The following PTPRA variants were observed in gnomAD, a reference collection of about 807,000 sequenced individuals.
PTPRA encodes receptor-type tyrosine-protein phosphatase alpha.
A neutral mutation model predicts 104.8 loss-of-function variants in PTPRA; 25 were observed. The ratio of observed to expected loss-of-function variants is 0.24; its 90% CI spans 0.17 to 0.33. PTPRA has a LOEUF of 0.33. Among genes scored for constraint, PTPRA ranks in the 10% least tolerant of loss-of-function variants. The pLI is 1.00. For synonymous variants in PTPRA, 323 were observed against 368.9 expected (o/e 0.88, Z 1.43); for missense variants, 765 against 1,015.3 (o/e 0.75, Z 3.35).
intron 1 of PTPRA, among the ~76,000 whole-genome samples, chr20:2,916,668 G>A (rs1310424578): frequency 6.6e-6 from 1 of 152,180 alleles, no homozygotes; most frequent in Non-Finnish European, 1.5e-5. Context: ...TTGTGCCACT[G>A]CACTCCAGCC....
intron 1 of PTPRA, among the ~76,000 whole-genome samples, chr20:2,891,223 AGGT>A (rs1206590891): frequency 6.6e-6 from 1 of 152,216 alleles, no homozygotes; most frequent in Non-Finnish European, 1.5e-5. Flanking sequence ...TGACTGCTGC[AGGT>A]TCCCTTGTTG....
intron 3 of PTPRA, among the ~76,000 whole-genome samples, chr20:2,952,802 AG>A (rs1320450047): frequency 1.3e-5 from 2 of 152,136 alleles, no homozygotes; most frequent in African/African-American, 4.8e-5. Flanking sequence ...ACTTCATATA[AG>A]TGGAGTCATA....
At chr20:2,897,847 T>C (rs2059070348) in intron 1 of PTPRA, among the ~76,000 whole-genome samples, 1 of 151,944 alleles carries the variant, frequency 6.6e-6, no homozygotes, top group Admixed American at 6.6e-5. Context: ...GTCCCAAATT[T>C]GGCCAGTGGG....
chr20:2,920,337 A>G lies in PTPRA; in HGVS notation c.-128-2870A>G, dbSNP rs143162621. 1.3e-3 allele frequency among the ~76,000 whole-genome samples: 200 copies of G among 152,262 alleles called. 2 individuals are homozygous for G. The highest frequency in any genetic ancestry group is 4.5e-3 in the African/African-American group (186 of 41,558). ...TCAAGAAGACTGGATGGAGGAGTGC[A>G]ATTTTTAGCCCTGTCTGCACATTGG... is the stretch of plus-strand genomic sequence containing the variant. On this transcript the variant is annotated intron_variant, in intron 1 of 23. Coordinates refer to ENST00000399903, the MANE Select transcript of PTPRA (RefSeq NM_001385305.1).
At chr20:2,931,217 G>T (rs1389152656) in intron 2 of PTPRA, among the ~76,000 whole-genome samples, 4 of 152,140 alleles carry the variant, frequency 2.6e-5, no homozygotes, top group African/African-American at 9.7e-5. Flanking sequence ...TAGCTTGGAT[G>T]TAACACTGGG....
At chr20:2,869,560 G>GT (rs1294205448), upstream of PTPRA, among the ~76,000 whole-genome samples, 9 of 152,356 alleles carry the variant, frequency 5.9e-5, no homozygotes, top group East Asian at 1.5e-3. Context: ...GCAGGGCCAA[G>GT]TTTCGTCCAA....
At chr20:2,963,568 C>T (rs568064455) in intron 3 of PTPRA, among the ~76,000 whole-genome samples, 3 of 151,572 alleles carry the variant, frequency 2.0e-5, no homozygotes, top group East Asian at 3.9e-4. Context: ...CACTCCAGCC[C>T]GGGCGACAGT....
chr20:2,893,048 G>A (rs918401162), intron 1 of PTPRA, among the ~76,000 whole-genome samples: 4 of 152,180 alleles, frequency 2.6e-5, no homozygotes, highest in African/African-American at 9.7e-5. Flanking sequence ...AATCATAATG[G>A]TATCCAACGG....
intron 1 of PTPRA, among the ~76,000 whole-genome samples, chr20:2,880,672 A>G (rs1178509126): frequency 6.6e-6 from 1 of 152,178 alleles, no homozygotes; most frequent in African/African-American, 2.4e-5. Flanking sequence ...TATAAGAAAC[A>G]TGAACTTTCG....
intron 9 of PTPRA, among the ~76,000 whole-genome samples, chr20:2,993,943 CGACA>C: frequency 6.6e-6 from 1 of 152,234 alleles, no homozygotes; most frequent in South Asian, 2.1e-4. Context: ...ACAGACAGAT[CGACA>C]GACAGGTAAG....
At chr20:2,954,863 A>G (rs1383500835) in intron 3 of PTPRA, among the ~76,000 whole-genome samples, 2 of 152,050 alleles carry the variant, frequency 1.3e-5, no homozygotes, top group East Asian at 1.9e-4. Context: ...TTTTTAGTTA[A>G]TTTTTGCAAG....
rs1392320209 is a variant in PTPRA, at chr20:3,035,629, T to C, written c.1965T>C (p.Tyr655=). 1.9e-6 allele frequency: 3 copies of C among 1,612,494 alleles called. No homozygotes were observed. Among genetic ancestry groups the C allele is most frequent in the East Asian group, 4.5e-5 (2 of 44,890 alleles). ...QYWPSDGLVS[Y]GDITVELKKE... is the part of the protein sequence containing the mutation. ...GGCCATCTGATGGACTGGTGTCCTA[T>C]GGAGATATTACAGTGGAACTGAAGA... The change falls in exon 21 of 24, where the codon TAT becomes TAC. Residue 655 remains tyrosine (Y), a synonymous_variant. Transcript: ENST00000399903. The surrounding 1 kb of genome is among the most constrained non-coding windows in gnomAD (Gnocchi z 5.8).
the PTPRA span, chr20:2,865,888 G>C: frequency 1.7e-5 from 8 of 472,744 alleles, no homozygotes; most frequent in Non-Finnish European, 2.7e-5. The surrounding 1 kb of genome is among the most constrained non-coding windows in gnomAD (Gnocchi z 5.2). Flanking sequence ...GCAGGTTTGA[G>C]AATGTCAATC....
chr20:2,885,928 G>A (rs1469903541), intron 1 of PTPRA, among the ~76,000 whole-genome samples: 1 of 152,158 alleles, frequency 6.6e-6, no homozygotes, highest in Non-Finnish European at 1.5e-5. Flanking sequence ...GCTGGGCGTG[G>A]TGGCACGCAC....
intron 12 of PTPRA, 103 bp from the exon 13 acceptor site, chr20:3,017,713 A>C: frequency 1.1e-6 from 1 of 923,484 alleles, no homozygotes; most frequent in Non-Finnish European, 1.7e-6. Context: ...AGCTGGGGAC[A>C]TTTGGGCACA....
intron 1 of PTPRA, among the ~76,000 whole-genome samples, chr20:2,877,646 A>G (rs770716195): frequency 6.6e-6 from 1 of 152,202 alleles, no homozygotes; most frequent in Non-Finnish European, 1.5e-5. Context: ...AGGCCCAAAA[A>G]TAGCCCAACA....
At chr20:3,038,038 T>TC (rs2065890471) in intron 23 of PTPRA, 21 bp from the exon 24 acceptor site, 2 of 1,588,310 alleles carry the variant, frequency 1.3e-6, no homozygotes, top group Non-Finnish European at 1.7e-6. Context: ...CCTGACTTTT[T>TC]CCCTACCTTT....
the PTPRA span, among the ~76,000 whole-genome samples, chr20:2,868,310 C>CTTTTTTTTTTTTTTT: frequency 2.4e-4 from 25 of 104,158 alleles, 1 homozygote; most frequent in African/African-American, 6.6e-4. Flanking sequence ...GACTCCACCT[C>CTTTTTTTTTTTTTTT]TTTTTTTTTT....
intron 1 of PTPRA, among the ~76,000 whole-genome samples, chr20:2,911,794 C>T (rs1166002474): frequency 6.6e-6 from 1 of 151,834 alleles, no homozygotes; most frequent in Admixed American, 6.6e-5. Context: ...TACATGCCCC[C>T]TAGATTTTAG....
Sources: gnomAD v4.1 joint callset for allele counts (sites outside exome capture counted in the v4.1 genomes callset) on GRCh38, gnomAD v4.1.1 for gene constraint, Gnocchi (gnomAD v3.1) non-coding constraint, MANE v1.5 for transcripts, NCBI Gene and HGNC (gene_info 2026-07-23, HGNC 2026-07-21) for gene names.